The following MYO18B variants were observed in gnomAD, a reference collection of about 807,000 sequenced individuals.
MYO18B encodes the protein myosin XVIIIB.
MYO18B carries 204 observed loss-of-function variants against 273.0 expected under a neutral mutation model. The ratio of observed to expected loss-of-function variants is 0.75; its 90% CI spans 0.67 to 0.84. The LOEUF (loss-of-function observed/expected upper bound fraction) is 0.84, where lower values mean the gene tolerates loss of function less well. MYO18B is among the 40% of genes least tolerant of loss of function. The pLI is 0.00. For missense variants in MYO18B, 3,212 were observed against 3,287.6 expected (o/e 0.98, Z 0.56); for synonymous variants, 1,330 against 1,305.7 (o/e 1.02, Z -0.40).
In MYO18B at chr22:25,768,493, G is replaced by T. The variant is rs770135040; in HGVS notation, c.577G>T (p.Gly193Trp). Residue 193 changes from glycine (G) to tryptophan (W), a missense_variant, in exon 4 of 44, where the codon GGG (glycine) becomes TGG (tryptophan). Gly to Trp is a radical substitution (Grantham distance 184). Coordinates refer to ENST00000335473, the MANE Select transcript of MYO18B (RefSeq NM_032608.7). The part of the protein sequence containing the change: ...PATDTGKEKK[G>W]ETSRTPCGSQ... ...CACAGATACTGGAAAGGAAAAGAAA[G>T]GGGAGACCTCTAGGACTCCTTGTGG... The T allele has an allele frequency of 1.2e-6, 2 of 1,606,942 alleles. No homozygotes were observed. Among genetic ancestry groups the T allele is most frequent in the Middle Eastern group, 3.3e-4 (2 of 6,048 alleles).
At chr22:25,963,616 T>C (rs757302865) in intron 39 of MYO18B, among the ~76,000 whole-genome samples, 1 of 150,344 alleles carries the variant, frequency 6.7e-6, no homozygotes, top group Non-Finnish European at 1.5e-5. Flanking sequence ...TTCTGAGTTT[T>C]TAGGTGGATA....
intron 33 of MYO18B, among the ~76,000 whole-genome samples, chr22:25,912,358 T>C: frequency 6.6e-6 from 1 of 152,164 alleles, no homozygotes; most frequent in East Asian, 1.9e-4. Context: ...GATTCTAGAA[T>C]GATAGAGGGG....
At chr22:25,745,179 G>A (rs994470113) in intron 1 of MYO18B, among the ~76,000 whole-genome samples, 7 of 152,080 alleles carry the variant, frequency 4.6e-5, no homozygotes, top group Middle Eastern at 3.4e-3. Flanking sequence ...GCCCAATCTC[G>A]GCTCACTGCA....
chr22:26,015,397 A>C (rs565674156), intron 42 of MYO18B, among the ~76,000 whole-genome samples: 2 of 152,226 alleles, frequency 1.3e-5, no homozygotes, highest in Non-Finnish European at 2.9e-5. Flanking sequence ...CATGGAATCA[A>C]CTTAAATGCC....
At chr22:26,042,418 A>C in the MYO18B span, among the ~76,000 whole-genome samples, 1 of 152,342 alleles carries the variant, frequency 6.6e-6, no homozygotes, top group African/African-American at 2.4e-5. Context: ...CAAATAAATT[A>C]AAAGATGTTC....
intron 25 of MYO18B, among the ~76,000 whole-genome samples, chr22:25,881,546 G>A (rs537008757): frequency 6.6e-6 from 1 of 152,228 alleles, no homozygotes; most frequent in African/African-American, 2.4e-5. Context: ...CCTTCCCACC[G>A]AGCTGACATT....
intron 28 of MYO18B, 181 bp from the exon 29 acceptor site, chr22:25,898,126 G>A: frequency 1.7e-6 from 1 of 596,396 alleles, no homozygotes. Context: ...GCAAACTGAG[G>A]CTCAGAAAAG....
chr22:25,917,434 T>A (rs2092277150), intron 33 of MYO18B, among the ~76,000 whole-genome samples: 1 of 152,174 alleles, frequency 6.6e-6, no homozygotes, highest in African/African-American at 2.4e-5. Flanking sequence ...CGATTCTTAC[T>A]TGGTGTCTTT....
At chr22:26,007,503 T>C (rs978601033) in intron 42 of MYO18B, among the ~76,000 whole-genome samples, 2 of 152,240 alleles carry the variant, frequency 1.3e-5, no homozygotes, top group African/African-American at 2.4e-5. Context: ...ATCTGATCTC[T>C]GTTTATTAGT....
chr22:25,997,902 A>G (rs899131838), intron 40 of MYO18B, among the ~76,000 whole-genome samples: 1 of 151,536 alleles, frequency 6.6e-6, no homozygotes, highest in Non-Finnish European at 1.5e-5. Flanking sequence ...GTTCTCAATT[A>G]TAATAAATTC....
intron 42 of MYO18B, among the ~76,000 whole-genome samples, chr22:26,016,060 A>G (rs1251992600): frequency 6.6e-6 from 1 of 152,190 alleles, no homozygotes; most frequent in Non-Finnish European, 1.5e-5. Context: ...TGCTTTTATG[A>G]ATGAGTCTGA....
chr22:25,919,031 A>T (rs183415526), intron 33 of MYO18B, among the ~76,000 whole-genome samples: 16 of 152,158 alleles, frequency 1.1e-4, no homozygotes, highest in Admixed American at 9.8e-4. Flanking sequence ...AACCTCTTTC[A>T]CTTTGTAACC....
At chr22:25,800,696 C>CT (rs1405713511) in intron 12 of MYO18B, among the ~76,000 whole-genome samples, 2 of 152,340 alleles carry the variant, frequency 1.3e-5, no homozygotes, top group East Asian at 3.9e-4. Flanking sequence ...TATCCAGAGA[C>CT]TAAGGGGGAG....
At chr22:25,958,297 A>G (rs1321295090) in intron 39 of MYO18B, among the ~76,000 whole-genome samples, 1 of 152,012 alleles carries the variant, frequency 6.6e-6, no homozygotes, top group Non-Finnish European at 1.5e-5. Flanking sequence ...CCAACCCACT[A>G]CAGAAGAGGA....
chr22:25,972,264 CTG>C (rs923316335), intron 39 of MYO18B, among the ~76,000 whole-genome samples: 4 of 151,882 alleles, frequency 2.6e-5, no homozygotes, highest in African/African-American at 7.3e-5. Flanking sequence ...ATTTGTGATT[CTG>C]TGGTTAGTTG....
downstream of MYO18B, among the ~76,000 whole-genome samples, chr22:26,034,259 T>A (rs1404110402): frequency 1.3e-5 from 2 of 152,220 alleles, no homozygotes; most frequent in Non-Finnish European, 2.9e-5. Flanking sequence ...CCCGGCGTAG[T>A]AAGCGTCATC....
chr22:25,846,340 C>T, intron 19 of MYO18B, 57 bp downstream of exon 19: 3 of 1,577,866 alleles, frequency 1.9e-6, no homozygotes, highest in South Asian at 2.3e-5. Context: ...ATCCTCATCT[C>T]CTCTGGGCTG....
chr22:25,792,045 C>G (rs1334317742), intron 11 of MYO18B, among the ~76,000 whole-genome samples: 2 of 152,210 alleles, frequency 1.3e-5, no homozygotes, highest in Admixed American at 6.5e-5. Context: ...ACAATGTGCT[C>G]TAAGGTCTGG....
Position 25,828,793 on chromosome 22 carries a change from A to G in MYO18B, c.2804A>G (p.His935Arg). ...SLINRSFSSHHLSMASIMVVD... is the reference protein window; with the variant it reads ...SLINRSFSSHRLSMASIMVVD... ...CTCCCTAGATCCTTTTCCTCCCACC[A>G]TCTCTCCATGGCCTCCATCATGGTG... Residue 935 changes from histidine to arginine, a missense_variant, in exon 15 of 44, where the codon CAT becomes CGT. Transcript: ENST00000335473. 6.2e-7 allele frequency: 1 copy of G among 1,613,496 alleles called. No individual in the cohort carries two copies.
Sources: allele counts gnomAD v4.1 joint callset (sites outside exome capture counted in the v4.1 genomes callset), GRCh38; gene constraint gnomAD v4.1.1; transcripts MANE v1.5; gene names NCBI Gene and HGNC (gene_info 2026-07-23, HGNC 2026-07-21).